The following NR2C2 variants were observed in gnomAD, a reference collection of about 807,000 sequenced individuals.
The protein encoded by NR2C2 is nuclear receptor subfamily 2 group C member 2, also known as Nuclear hormone receptor TR4.
In NR2C2, 6 loss-of-function variants were observed where a neutral mutation model predicts 62.9. The observed-to-expected ratio is 0.10, with a 90% CI of 0.05 to 0.19. The LOEUF (loss-of-function observed/expected upper bound fraction) is 0.19, where lower values mean the gene tolerates loss of function less well. Ranked by LOEUF, NR2C2 falls within the 10% of genes least tolerant of loss-of-function variation. The pLI is 1.00. For missense variants in NR2C2, 479 were observed against 762.7 expected (o/e 0.63, Z 4.38); for synonymous variants, 272 against 273.8 (o/e 0.99, Z 0.07).
chr3:15,004,389 T>G (rs2041108058), intron 2 of NR2C2, among the ~76,000 whole-genome samples: 2 of 152,200 alleles, frequency 1.3e-5, no homozygotes, highest in African/African-American at 2.4e-5. Context: ...AATAGTAGTA[T>G]TTGCCTCACG....
intron 12 of NR2C2, 26 bp from the exon 13 acceptor site, chr3:15,039,096 G>GGC (rs1553575024): frequency 6.2e-6 from 7 of 1,123,046 alleles, no homozygotes; most frequent in African/African-American, 6.1e-5. Flanking sequence ...AGAGGGAACT[G>GGC]GGGGGGGGTA....
chr3:14,968,964 C>T (rs375478469), intron 1 of NR2C2, among the ~76,000 whole-genome samples: 1 of 139,798 alleles, frequency 7.2e-6, no homozygotes, highest in Admixed American at 7.7e-5. Context: ...GAAGGGGGAA[C>T]ATCACACTCT....
Position 15,028,611 on chromosome 3 carries a change from G to A in NR2C2, c.824G>A (p.Gly275Asp), listed in dbSNP as rs1465327605. 1.9e-6 allele frequency: 3 copies of A among 1,613,720 alleles called. No homozygotes were observed. The change falls in exon 8 of 14, where the codon GGC becomes GAC. Residue 275 changes from glycine to aspartate, a missense_variant. Gly to Asp is a moderately conservative substitution (Grantham distance 94). Transcript: ENST00000425241. ...GCTGAAACAAGCCAGGGAGCTCTGG[G>A]CACACTGGCAAATGTAGTGACCTCC... ...SKAETSQGAL[G>D]TLANVVTSLA...
At chr3:15,002,517 T>G (rs563444585) in intron 1 of NR2C2, among the ~76,000 whole-genome samples, 36 of 152,190 alleles carry the variant, frequency 2.4e-4, no homozygotes, top group African/African-American at 8.2e-4. Context: ...TCATAAGAGA[T>G]ATTGGTCTGT....
intron 1 of NR2C2, among the ~76,000 whole-genome samples, chr3:14,971,337 C>T (rs1408199427): frequency 6.6e-6 from 1 of 151,534 alleles, no homozygotes; most frequent in African/African-American, 2.4e-5. Context: ...AAGCTGGTCT[C>T]AAACTCCTGA....
intron 1 of NR2C2, among the ~76,000 whole-genome samples, chr3:14,985,067 C>T (rs1312450825): frequency 6.6e-6 from 1 of 152,008 alleles, no homozygotes; most frequent in Non-Finnish European, 1.5e-5. Context: ...GATTATTTGC[C>T]ATCCATACAT....
At chr3:15,019,437 A>C (rs973936925) in intron 4 of NR2C2, among the ~76,000 whole-genome samples, 10 of 152,214 alleles carry the variant, frequency 6.6e-5, no homozygotes, top group Non-Finnish European at 1.3e-4. Context: ...CAAAGGAAAT[A>C]AAATCATTAT....
intron 1 of NR2C2, among the ~76,000 whole-genome samples, chr3:14,951,004 C>G (rs2039340451): frequency 6.6e-6 from 1 of 152,130 alleles, no homozygotes; most frequent in Non-Finnish European, 1.5e-5. Flanking sequence ...AATAGTTTTT[C>G]CCACTCATTT....
rs1473926911 is a variant in NR2C2 at position 15,047,577 on chromosome 3, T to G, written c.*4569T>G. The G allele has an allele frequency of 6.6e-6, 1 of 152,224 alleles. No homozygotes were observed. Among genetic ancestry groups the G allele is most frequent in the Non-Finnish European group, 1.5e-5 (1 of 68,054 alleles). The allele number at this position is 152,224 out of a possible 1,614,324, so 9.4% of individuals were successfully genotyped here. A position where few individuals can be genotyped will look rare whatever the true frequency, so the allele number is the denominator to read the frequency against. On this transcript the variant is annotated 3_prime_UTR_variant, in exon 14 of 14. Coordinates refer to ENST00000425241, the MANE Select transcript of NR2C2 (RefSeq NM_001291694.2). ...GGTCAGAGATTCAGAACGGTCTGTG[T>G]CAGTGAGGCCTGACTCCCAAAGATG... is the stretch of plus-strand genomic sequence containing the variant.
At chr3:15,020,297 C>T (rs1269977115) in intron 4 of NR2C2, among the ~76,000 whole-genome samples, 1 of 152,210 alleles carries the variant, frequency 6.6e-6, no homozygotes, top group Non-Finnish European at 1.5e-5. Flanking sequence ...GAGTGAGACC[C>T]TCTGTGCCAA....
At chr3:14,981,212 A>G (rs1253099049) in intron 1 of NR2C2, among the ~76,000 whole-genome samples, 1 of 152,214 alleles carries the variant, frequency 6.6e-6, no homozygotes, top group Non-Finnish European at 1.5e-5. Flanking sequence ...CACACCTGTA[A>G]TCGCAGCACT....
At chr3:14,978,619 G>A (rs571137414) in intron 1 of NR2C2, among the ~76,000 whole-genome samples, 28 of 152,252 alleles carry the variant, frequency 1.8e-4, no homozygotes, top group Non-Finnish European at 3.2e-4. Flanking sequence ...GGTACCACAT[G>A]TCTTGTTGCC....
At chr3:15,039,764 G>C (rs1199267405) in intron 13 of NR2C2, among the ~76,000 whole-genome samples, 1 of 152,178 alleles carries the variant, frequency 6.6e-6, no homozygotes, top group Non-Finnish European at 1.5e-5. Context: ...GTTATATAAA[G>C]TCATTTTACC....
At chr3:15,037,804 C>T (rs1050240777) in intron 11 of NR2C2, among the ~76,000 whole-genome samples, 196 bp from the exon 12 acceptor site, 2 of 152,156 alleles carry the variant, frequency 1.3e-5, no homozygotes, top group East Asian at 3.9e-4. Flanking sequence ...GAGGCAGAAC[C>T]CATATTGGAG....
intron 11 of NR2C2, among the ~76,000 whole-genome samples, chr3:15,037,113 C>G (rs1452492415): frequency 7.8e-6 from 1 of 128,718 alleles, no homozygotes; most frequent in Non-Finnish European, 1.7e-5. Context: ...GAGTGAGACT[C>G]AAAAAAAAAA....
intron 2 of NR2C2, among the ~76,000 whole-genome samples, chr3:15,013,196 C>T (rs2041404454): frequency 6.6e-6 from 1 of 152,202 alleles, no homozygotes; most frequent in Non-Finnish European, 1.5e-5. Flanking sequence ...GTCTTTGAAA[C>T]AGTCATTCCC....
intron 11 of NR2C2, among the ~76,000 whole-genome samples, chr3:15,035,958 G>A (rs751670771): frequency 2.6e-5 from 4 of 152,208 alleles, no homozygotes; most frequent in Non-Finnish European, 5.9e-5. Flanking sequence ...AACCTGGGAG[G>A]CGGAGGTTGC....
intron 1 of NR2C2, among the ~76,000 whole-genome samples, chr3:14,957,291 G>A (rs1326941530): frequency 6.6e-6 from 1 of 152,220 alleles, no homozygotes; most frequent in African/African-American, 2.4e-5. Context: ...CTTGTCCCAG[G>A]ACTTGTTCAT....
At chr3:14,988,192 G>A (rs1352337353) in intron 1 of NR2C2, among the ~76,000 whole-genome samples, 3 of 152,266 alleles carry the variant, frequency 2.0e-5, no homozygotes, top group South Asian at 2.1e-4. Context: ...AGCCAGTCTC[G>A]TGAAGCTATG....
Sources: allele counts gnomAD v4.1 joint callset (sites outside exome capture counted in the v4.1 genomes callset), GRCh38; gene constraint gnomAD v4.1.1; transcripts MANE v1.5; gene names NCBI Gene and HGNC (gene_info 2026-07-23, HGNC 2026-07-21).